The following ADGRG4 variants were observed in gnomAD, a reference collection of about 807,000 sequenced individuals.
ADGRG4 encodes the protein G protein-coupled receptor 112.
In ADGRG4, 122 loss-of-function variants were observed where a neutral mutation model predicts 126.2. The ratio of observed to expected loss-of-function variants is 0.97; its 90% confidence interval spans 0.83 to 1.12. The LOEUF is 1.12. Among genes scored for constraint, ADGRG4 ranks in the 50% most tolerant of loss-of-function variants. The pLI, the probability that ADGRG4 is intolerant of heterozygous loss-of-function variation, is 0.00. For missense variants in ADGRG4, 2,481 were observed against 2,251.8 expected, an observed-to-expected ratio of 1.10 and a Z score of -2.06; for synonymous variants, 943 against 838.7, an observed-to-expected ratio of 1.12 and a Z score of -2.15.
intron 15 of ADGRG4, among the ~76,000 whole-genome samples, chrX:136,385,515 ATTATC>A (rs1306604413): frequency 8.9e-6 from 1 of 112,040 alleles, no homozygotes; most frequent in African/African-American, 3.2e-5. Context: ...TTGCAAACAT[ATTATC>A]TTTTAAATAC....
In ADGRG4 at chrX:136,405,674, CTTCT is replaced by C. The variant is rs761739482; in HGVS notation, c.8655-15_8655-12del. ...TTATGTTTCCCTATCTCATGATAGT[CTTCT>C]TTGTTTCTTACAGTTGTTGGATTAA... On this transcript the variant is annotated splice_polypyrimidine_tract_variant and intron_variant, in intron 22 of 25. Coordinates refer to ENST00000394143, the MANE Select transcript of ADGRG4 (RefSeq NM_153834.4). The C allele has an allele frequency of 3.6e-6, 4 of 1,115,742 alleles. No individual in the cohort carries two copies. The highest frequency in any genetic ancestry group is 4.8e-6 in the Non-Finnish European group (4 of 836,499). The allele number at this position is 1,115,742 out of a possible 1,213,427, so 91.9% of individuals were successfully genotyped here. A position where few individuals can be genotyped will look rare whatever the true frequency, so the allele number is the denominator to read the frequency against.
chrX:136,323,075 G>T lies in ADGRG4; in HGVS notation c.368G>T (p.Cys123Phe), dbSNP rs770478479. ...GCTTCATTTCAATGGCATACAATAT[G>T]CTTGATATGGGATGGTGTGAAGGGC... The part of the protein sequence containing the change: ...HLASFQWHTI[C>F]LIWDGVKGKL... Residue 123 changes from cysteine to phenylalanine, a missense_variant, in exon 5 of 26, where the codon TGC becomes TTC. Coordinates refer to ENST00000394143, the MANE Select transcript of ADGRG4 (RefSeq NM_153834.4). 1.5e-5 allele frequency: 18 copies of T among 1,208,608 alleles called. No individual in the cohort carries two copies. The highest frequency in any genetic ancestry group is 2.2e-6 in the Non-Finnish European group (2 of 894,052).
At chrX:136,309,459 G>A (rs1372922359) in intron 4 of ADGRG4, among the ~76,000 whole-genome samples, 1 of 112,378 alleles carries the variant, frequency 8.9e-6, no homozygotes, top group Non-Finnish European at 1.9e-5. Flanking sequence ...GAAGGTCTTG[G>A]TAAACTGCAA....
chrX:136,333,978 T>C (rs1464847085), intron 5 of ADGRG4, among the ~76,000 whole-genome samples: 1 of 112,086 alleles, frequency 8.9e-6, no homozygotes, highest in East Asian at 2.8e-4. Context: ...ATATTTTTTC[T>C]AAATATTCCA....
chrX:136,336,922 A>G (rs192967060), intron 5 of ADGRG4, among the ~76,000 whole-genome samples: 129 of 111,173 alleles, frequency 1.2e-3, no homozygotes, highest in African/African-American at 4.1e-3. Context: ...GAGGTATGGA[A>G]ACCTCACTTC....
intron 3 of ADGRG4, among the ~76,000 whole-genome samples, chrX:136,307,343 C>T (rs1401608560): frequency 8.9e-6 from 1 of 112,277 alleles, no homozygotes; most frequent in East Asian, 2.8e-4. Context: ...AATTAAGGAA[C>T]AAAAATATGT....
In ADGRG4 at chrX:136,345,194, T is replaced by A. The variant is rs771617203; in HGVS notation, c.1488T>A (p.Thr496=). The change falls in exon 6 of 26, where the codon ACT becomes ACA. Residue 496 remains threonine, a synonymous_variant. Transcript: ENST00000394143. ...RNQTAFPLAT[T]DMKIAFTVHS... is the part of the protein sequence containing the mutation. ...AGACAGCATTTCCATTGGCAACAAC[T>A]GATATGAAAATAGCATTTACAGTCC... is the stretch of plus-strand genomic sequence containing the variant. 5.8e-6 allele frequency: 7 copies of A among 1,210,061 alleles called. No homozygotes were observed. The highest frequency in any genetic ancestry group is 7.8e-6 in the Non-Finnish European group (7 of 894,021).
intron 13 of ADGRG4, among the ~76,000 whole-genome samples, chrX:136,368,819 T>C (rs933164582): frequency 8.9e-5 from 10 of 112,336 alleles, no homozygotes; most frequent in African/African-American, 2.9e-4. Context: ...TTTATGCAAT[T>C]GTAAGTTTAT....
intron 15 of ADGRG4, among the ~76,000 whole-genome samples, chrX:136,374,425 T>A (rs1459690128): frequency 9.0e-6 from 1 of 110,997 alleles, no homozygotes; most frequent in Non-Finnish European, 1.9e-5. Flanking sequence ...GTTTATTATT[T>A]ATTTATTTAT....
At chrX:136,343,567 G>A (rs2148463653) in intron 5 of ADGRG4, among the ~76,000 whole-genome samples, 1 of 111,498 alleles carries the variant, frequency 9.0e-6, no homozygotes, top group Non-Finnish European at 1.9e-5. Context: ...AGTGGACAGA[G>A]AAGTAGGAGA....
chrX:136,391,707 A>G (rs895913279), intron 16 of ADGRG4, among the ~76,000 whole-genome samples: 3 of 112,492 alleles, frequency 2.7e-5, no homozygotes. Context: ...CTCAGAGCTC[A>G]CAGTCCCCTA....
At chrX:136,331,974 G>A (rs183835887) in intron 5 of ADGRG4, among the ~76,000 whole-genome samples, 8 of 108,015 alleles carry the variant, frequency 7.4e-5, no homozygotes, top group African/African-American at 2.7e-4. Flanking sequence ...CCACCAACAC[G>A]CCCGACTAAT....
chrX:136,345,519 G>A lies in ADGRG4; in HGVS notation c.1813G>A (p.Gly605Arg), dbSNP rs138876740. ...AETMLSSTIT[G>R]RVYTQNTPTA... The stretch of plus-strand genomic sequence containing the variant: ...AACTATGCTTTCCTCCACAATCACA[G>A]GACGAGTTTACACCCAGAATACACC... The change falls in exon 6 of 26, where the codon GGA becomes AGA. Residue 605 changes from glycine (G) to arginine (R), a missense_variant. Gly to Arg is a moderately radical substitution (Grantham distance 125). Transcript: ENST00000394143. 890 of 1,208,601 alleles carry A rather than the reference G, an allele frequency of 7.4e-4. No individual in the cohort carries two copies. The highest frequency in any genetic ancestry group is 8.4e-4 in the Non-Finnish European group (747 of 894,469).
chrX:136,376,595 A>G (rs1026507076), intron 15 of ADGRG4, among the ~76,000 whole-genome samples: 4 of 110,148 alleles, frequency 3.6e-5, no homozygotes, highest in Non-Finnish European at 7.6e-5. Flanking sequence ...CCTTGTAGAG[A>G]TCTTTCACCT....
rs754823086 is a variant in ADGRG4 at position 136,345,185 on chromosome X, G to C, written c.1479G>C (p.Leu493Phe). 4.1e-6 allele frequency: 5 copies of C among 1,208,275 alleles called. No individual in the cohort carries two copies. The highest frequency in any genetic ancestry group is 5.6e-6 in the Non-Finnish European group (5 of 893,638). Residue 493 changes from leucine (L) to phenylalanine (F), a missense_variant, in exon 6 of 26, where the codon TTG becomes TTC. Coordinates refer to ENST00000394143, the MANE Select transcript of ADGRG4 (RefSeq NM_153834.4). ...CTAGAAACCAGACAGCATTTCCATT[G>C]GCAACAACTGATATGAAAATAGCAT... is the stretch of plus-strand genomic sequence containing the variant. The part of the protein sequence containing the change: ...VFPRNQTAFP[L>F]ATTDMKIAFT...
intron 23 of ADGRG4, 84 bp from the exon 24 acceptor site, chrX:136,412,181 A>C: frequency 1.6e-6 from 1 of 623,031 alleles, no homozygotes; most frequent in East Asian, 3.3e-5. Context: ...AGTATCTCTC[A>C]TGACAGAAGC....
At chrX:136,359,595 C>T (rs1193475491) in intron 11 of ADGRG4, 140 bp downstream of exon 11, 2 of 462,920 alleles carry the variant, frequency 4.3e-6, no homozygotes, top group Non-Finnish European at 7.0e-6. Flanking sequence ...ATTCTTGGTA[C>T]CCACTTGATC....
At chrX:136,389,508 T>A (rs904883775) in intron 16 of ADGRG4, among the ~76,000 whole-genome samples, 5 of 111,993 alleles carry the variant, frequency 4.5e-5, no homozygotes, top group Non-Finnish European at 9.4e-5. Flanking sequence ...ACTGCAAACA[T>A]CATAGTACCA....
chrX:136,361,478 G>A lies in ADGRG4; in HGVS notation c.7168G>A (p.Glu2390Lys), dbSNP rs1342695081. The A allele has an allele frequency of 8.5e-7, 1 of 1,178,619 alleles. No individual in the cohort carries two copies. The highest frequency in any genetic ancestry group is 3.0e-5 in the East Asian group (1 of 33,297). Residue 2390 changes from glutamate to lysine, a missense_variant, in exon 12 of 26, where the codon GAA becomes AAA. By Grantham distance (56) the Glu-to-Lys change is moderately conservative (BLOSUM62 1). Transcript: ENST00000394143. ...AGAGCCTGGAAATTGCAAAGCTGAT[G>A]AAACAGCCTCTAAATACAAAGGGAC... ...KLEPGNCKAD[E>K]TASKYKGTYK...
Sources: allele counts gnomAD v4.1 joint callset (sites outside exome capture counted in the v4.1 genomes callset), GRCh38; gene constraint gnomAD v4.1.1; transcripts MANE v1.5; gene names NCBI Gene and HGNC (gene_info 2026-07-23, HGNC 2026-07-21).